FNBP1: variants seen among roughly 807,000 people sequenced by gnomAD.
The protein encoded by FNBP1 is formin-binding protein 1.
A neutral mutation model predicts 90.6 loss-of-function variants in FNBP1; 26 were observed. That is an observed-to-expected ratio of 0.29 (90% CI 0.21 to 0.40). The LOEUF (loss-of-function observed/expected upper bound fraction) is 0.40. Among genes scored for constraint, FNBP1 ranks in the 10% least tolerant of loss-of-function variants. The pLI is 1.00. For synonymous variants in FNBP1, 260 were observed against 265.2 expected (o/e 0.98, Z 0.19); for missense variants, 635 against 768.0 (o/e 0.83, Z 2.05).
At chr9:129,910,627 A>G (rs2039101991) in intron 11 of FNBP1, among the ~76,000 whole-genome samples, 1 of 152,090 alleles carries the variant, frequency 6.6e-6, no homozygotes, top group Non-Finnish European at 1.5e-5. Flanking sequence ...GGGTAGAAAG[A>G]GGAGACCCAG....
chr9:129,923,946 G>T lies in FNBP1; in HGVS notation c.1068C>A (p.Gly356=). 1 of 1,586,368 alleles carries T rather than the reference G, an allele frequency of 6.3e-7. No homozygotes were observed. Residue 356 remains glycine (G), a synonymous_variant, in exon 10 of 17, where the codon GGC becomes GGA. Coordinates refer to ENST00000446176, the MANE Select transcript of FNBP1 (RefSeq NM_015033.3). The part of the protein sequence containing the change: ...ASASPSAVPN[G]PQSPKQQKEP... ...CCTTTTGCTGCTTGGGAGACTGGGGGCCGTTGGGAACAGCAGAGGGTGAGG... is the reference window on the plus strand; with the variant it reads ...CCTTTTGCTGCTTGGGAGACTGGGGTCCGTTGGGAACAGCAGAGGGTGAGG...
chr9:130,011,243 A>AATATAT (rs1589249829), intron 1 of FNBP1, among the ~76,000 whole-genome samples: 5 of 42,244 alleles, frequency 1.2e-4, no homozygotes, highest in African/African-American at 4.0e-4. Context: ...AAAAAAAAAA[A>AATATAT]ATATATATAT....
intron 3 of FNBP1, among the ~76,000 whole-genome samples, chr9:129,978,932 G>A (rs560745683): frequency 2.3e-4 from 35 of 152,290 alleles, no homozygotes; most frequent in African/African-American, 8.4e-4. Context: ...ATACATTAGA[G>A]ATGTAATATT....
chr9:129,953,277 G>C (rs545630213), intron 6 of FNBP1, among the ~76,000 whole-genome samples: 1 of 152,144 alleles, frequency 6.6e-6, no homozygotes, highest in South Asian at 2.1e-4. Flanking sequence ...CTTCAGGTCA[G>C]GAGTTTGAGA....
the FNBP1 span, among the ~76,000 whole-genome samples, chr9:130,049,369 AC>A: frequency 6.6e-6 from 1 of 152,108 alleles, no homozygotes; most frequent in Non-Finnish European, 1.5e-5. Context: ...TGAGAGCGAG[AC>A]CCTGTCTCAA....
chr9:129,913,725 C>A (rs993236903), intron 11 of FNBP1, among the ~76,000 whole-genome samples: 1 of 151,806 alleles, frequency 6.6e-6, no homozygotes, highest in Non-Finnish European at 1.5e-5. Context: ...GAGCCGAGAT[C>A]GCGCCACTGC....
Position 129,924,155 on chromosome 9 carries a change from G to A in FNBP1, c.988-129C>T, listed in dbSNP as rs2041531999. 8.5e-6 allele frequency: 8 copies of A among 942,026 alleles called. No individual in the cohort carries two copies. In the East Asian group the frequency reaches 2.5e-4, roughly 29 times the overall value. 58.4% of individuals were successfully genotyped at this position (942,026 alleles called of 1,614,324 possible). A position where few individuals can be genotyped will look rare whatever the true frequency, so the allele number is the denominator to read the frequency against. ...CACAAACAATTAAATTTTAGGCCAT[G>A]GTCCAAAAGAAAACATGTAGGAGGT... On this transcript the variant is annotated intron_variant, in intron 9 of 16. Transcript: ENST00000446176.
intron 11 of FNBP1, among the ~76,000 whole-genome samples, chr9:129,910,796 C>T (rs935303739): frequency 6.6e-6 from 1 of 152,000 alleles, no homozygotes; most frequent in Non-Finnish European, 1.5e-5. Flanking sequence ...AAAGACCTTT[C>T]AGCTAATGTT....
At chr9:129,987,149 G>A (rs1288716251) in intron 2 of FNBP1, among the ~76,000 whole-genome samples, 1 of 152,076 alleles carries the variant, frequency 6.6e-6, no homozygotes, top group Non-Finnish European at 1.5e-5. Context: ...CATGGAGAGA[G>A]AAAGTGTGAC....
chr9:130,041,730 C>T lies in FNBP1; in HGVS notation c.24+1222G>A, dbSNP rs1315416959. ...TTGGTAATAACAACCGTAGCTGCTT[C>T]TGTACCTAACAAATGGTTATGTAAA... On this transcript the variant is annotated intron_variant, in intron 1 of 16. Transcript: ENST00000446176. This position sits in a 1 kb window ranked among gnomAD's most constrained non-coding sequence, Gnocchi z 4.3. 1.3e-5 allele frequency among the ~76,000 whole-genome samples: 2 copies of T among 152,204 alleles called. No individual in the cohort carries two copies. The highest frequency in any genetic ancestry group is 2.4e-5 in the African/African-American group (1 of 41,446).
At position 129,927,282 on chromosome 9, in the gene FNBP1, A is replaced by G. The variant is rs535311001; in HGVS notation, c.702T>C (p.Tyr234=). ...IVRMGESMKT[Y]AEVDRQVIPI... ...GGATCACCTGCCGATCAACCTCTGC[A>G]TATGTCTTCATGGACTCTCCCATTC... The change falls in exon 8 of 17, where the codon TAT becomes TAC. Residue 234 remains tyrosine (Y), a synonymous_variant. Coordinates refer to ENST00000446176, the MANE Select transcript of FNBP1 (RefSeq NM_015033.3). The G allele has an allele frequency of 3.5e-5, 56 of 1,613,644 alleles. No homozygotes were observed. The African/African-American group carries it at 3.9e-4, about 11-fold the overall frequency.
chr9:129,992,569 T>TC (rs2053352591), intron 2 of FNBP1, among the ~76,000 whole-genome samples: 1 of 147,902 alleles, frequency 6.8e-6, no homozygotes, highest in Non-Finnish European at 1.5e-5. Flanking sequence ...TTTTTTTTTT[T>TC]TTGAGATGGA....
At chr9:129,982,200 C>T (rs761444225) in intron 2 of FNBP1, among the ~76,000 whole-genome samples, 12 of 152,302 alleles carry the variant, frequency 7.9e-5, no homozygotes, top group African/African-American at 1.7e-4. Context: ...GGGCCGGGCG[C>T]GGTGGCTCAT....
intron 1 of FNBP1, among the ~76,000 whole-genome samples, chr9:130,030,374 G>A (rs2058697368): frequency 6.6e-6 from 1 of 150,824 alleles, no homozygotes; most frequent in Non-Finnish European, 1.5e-5. Flanking sequence ...GCCGGAGGTT[G>A]CAGTGAGCCG....
intron 12 of FNBP1, among the ~76,000 whole-genome samples, chr9:129,907,760 G>A (rs1288320058): frequency 1.3e-5 from 2 of 151,968 alleles, no homozygotes; most frequent in African/African-American, 2.4e-5. Context: ...ACAGAGTCTC[G>A]CTCCATCACC....
At chr9:130,020,815 A>G (rs1564594406) in intron 1 of FNBP1, among the ~76,000 whole-genome samples, 1 of 152,156 alleles carries the variant, frequency 6.6e-6, no homozygotes, top group Non-Finnish European at 1.5e-5. Flanking sequence ...CATTTTTCTC[A>G]TGTGGCAGGC....
chr9:129,999,736 C>T (rs2054555648), intron 1 of FNBP1, among the ~76,000 whole-genome samples: 1 of 152,052 alleles, frequency 6.6e-6, no homozygotes, highest in Admixed American at 6.6e-5. Context: ...AACCCATTAC[C>T]ATTACATGTT....
At chr9:129,953,996 T>C (rs981837466) in intron 6 of FNBP1, among the ~76,000 whole-genome samples, 5 of 151,850 alleles carry the variant, frequency 3.3e-5, no homozygotes, top group Admixed American at 6.6e-5. Flanking sequence ...CTGGGCAACA[T>C]AGTGAGATCC....
intron 1 of FNBP1, among the ~76,000 whole-genome samples, chr9:130,035,534 C>A (rs1484251699): frequency 6.6e-6 from 1 of 152,218 alleles, no homozygotes; most frequent in African/African-American, 2.4e-5. Flanking sequence ...ATGGTAGTTA[C>A]CTTGCTGGAT....
Sources: gnomAD v4.1 joint callset for allele counts (sites outside exome capture counted in the v4.1 genomes callset) on GRCh38, gnomAD v4.1.1 for gene constraint, Gnocchi (gnomAD v3.1) non-coding constraint, MANE v1.5 for transcripts, NCBI Gene and HGNC (gene_info 2026-07-23, HGNC 2026-07-21) for gene names.